Variants in RALA observed in about 807,000 individuals in gnomAD.
The protein encoded by RALA is RAS like proto-oncogene A.
In RALA, 5 loss-of-function variants were observed where a neutral mutation model predicts 24.0. That is an observed-to-expected ratio of 0.21 (90% CI 0.11 to 0.44). The LOEUF is 0.44. Ranked by LOEUF, RALA falls within the 20% of genes least tolerant of loss-of-function variation. RALA has a pLI of 0.99. For missense variants in RALA, 95 were observed against 241.2 expected (o/e 0.39, Z 4.01); for synonymous variants, 77 against 83.8 (o/e 0.92, Z 0.44).
intron 1 of RALA, among the ~76,000 whole-genome samples, chr7:39,648,581 G>A (rs987502972): frequency 2.6e-5 from 4 of 152,186 alleles, no homozygotes; most frequent in Non-Finnish European, 4.4e-5. Context: ...CCTAAAGGAT[G>A]TGAGGGAGTG....
rs1792681843 is a variant in RALA, at chr7:39,685,480, C to G, written c.-37-1151C>G. Among the ~76,000 whole-genome samples, 5 of 152,142 alleles carry G rather than the reference C, an allele frequency of 3.3e-5. No individual in the cohort carries two copies. In the South Asian group the frequency reaches 1.0e-3, roughly 32 times the overall value. On this transcript the variant is annotated intron_variant, in intron 1 of 4. Coordinates refer to ENST00000005257, the MANE Select transcript of RALA (RefSeq NM_005402.4). Reference sequence around the variant, plus strand: ...CAAGGGGTGCAACCCCCTCAACCCCCAATAACAAAAAGTCTCTTTGCTTGG... The same window carrying G: ...CAAGGGGTGCAACCCCCTCAACCCCGAATAACAAAAAGTCTCTTTGCTTGG...
intron 1 of RALA, among the ~76,000 whole-genome samples, chr7:39,669,554 A>C (rs969881266): frequency 6.6e-6 from 1 of 152,074 alleles, no homozygotes; most frequent in African/African-American, 2.4e-5. Flanking sequence ...GCTTATGCCT[A>C]TAATATCAGC....
At chr7:39,639,466 G>C (rs954095276) in intron 1 of RALA, among the ~76,000 whole-genome samples, 1 of 152,156 alleles carries the variant, frequency 6.6e-6, no homozygotes, top group East Asian at 1.9e-4. Flanking sequence ...GAAATAGGAG[G>C]ATCTCTTGAG....
At chr7:39,625,840 C>T (rs1239441229) in intron 1 of RALA, among the ~76,000 whole-genome samples, 1 of 152,230 alleles carries the variant, frequency 6.6e-6, no homozygotes, top group East Asian at 1.9e-4. Flanking sequence ...GTTTTCTCTC[C>T]TCTCCAAGTA....
chr7:39,695,424 T>C (rs2116095148), intron 3 of RALA, among the ~76,000 whole-genome samples: 2 of 152,166 alleles, frequency 1.3e-5, no homozygotes, highest in East Asian at 3.9e-4. Context: ...TTTGGTTTTT[T>C]TTTTTGAGAC....
chr7:39,678,553 G>T (rs980029494), intron 1 of RALA, among the ~76,000 whole-genome samples: 1 of 152,142 alleles, frequency 6.6e-6, no homozygotes, highest in African/African-American at 2.4e-5. Flanking sequence ...ACCCCAAATA[G>T]GTTCTATAGT....
chr7:39,695,790 C>T (rs1184119751), intron 3 of RALA, among the ~76,000 whole-genome samples: 2 of 152,154 alleles, frequency 1.3e-5, no homozygotes, highest in African/African-American at 2.4e-5. Flanking sequence ...GTTCCTATAG[C>T]TTCAACAGCT....
intron 3 of RALA, among the ~76,000 whole-genome samples, chr7:39,691,819 CAT>C (rs1269795551): frequency 3.9e-5 from 6 of 152,198 alleles, no homozygotes; most frequent in African/African-American, 9.6e-5. Flanking sequence ...TTGTGGGAGA[CAT>C]GTTGAAAGTT....
rs548792732 is a variant in RALA, at chr7:39,627,077, C to CTT, written c.-38+3263_-38+3264dup. Among the ~76,000 whole-genome samples the CTT allele has an allele frequency of 2.2e-3, 325 of 145,948 alleles. 1 individual carries two copies. The highest frequency in any genetic ancestry group is 7.6e-3 in the African/African-American group (304 of 39,986). ...AATGTGTCCATCTCTCTCTCTCTCTCTTTTTTTTTTTTAAAAGATGTACCC... is the reference window on the plus strand; with the variant it reads ...AATGTGTCCATCTCTCTCTCTCTCTCTTTTTTTTTTTTTTAAAAGATGTACCC... On this transcript the variant is annotated intron_variant, in intron 1 of 4. Transcript: ENST00000005257.
intron 1 of RALA, among the ~76,000 whole-genome samples, chr7:39,633,295 A>G (rs1264903202): frequency 6.6e-6 from 1 of 152,194 alleles, no homozygotes; most frequent in Non-Finnish European, 1.5e-5. Context: ...GGTTTAATTA[A>G]CTCACAGTTC....
At position 39,684,238 on chromosome 7, in the gene RALA, T is replaced by G. The variant is rs188948969; in HGVS notation, c.-37-2393T>G. Among the ~76,000 whole-genome samples the G allele has an allele frequency of 9.2e-3, 1,394 of 152,316 alleles. 18 individuals are homozygous for G. The highest frequency in any genetic ancestry group is 0.015 in the Admixed American group (235 of 15,294). ...TCTTAGCCTGTAAGTGTAAATTTTT[T>G]GCCATACGCTTAACAGTTCAAACTG... On this transcript the variant is annotated intron_variant, in intron 1 of 4. Coordinates refer to ENST00000005257, the MANE Select transcript of RALA (RefSeq NM_005402.4).
intron 1 of RALA, among the ~76,000 whole-genome samples, chr7:39,672,278 A>G (rs146837367): frequency 6.6e-5 from 10 of 152,360 alleles, no homozygotes; most frequent in African/African-American, 2.2e-4. Flanking sequence ...CCAGAGTCAT[A>G]TGGATGGCAA....
intron 1 of RALA, among the ~76,000 whole-genome samples, chr7:39,680,589 A>G (rs1792576659): frequency 6.6e-6 from 1 of 150,868 alleles, no homozygotes; most frequent in African/African-American, 2.4e-5. Context: ...AAAAAAAAAG[A>G]TTAAAAAAGA....
At chr7:39,696,921 T>C (rs1180537288) in intron 4 of RALA, 62 bp downstream of exon 4, 3 of 1,453,200 alleles carry the variant, frequency 2.1e-6, no homozygotes, top group East Asian at 2.3e-5. Context: ...TTAACTTGGC[T>C]CCATTTTGTC....
intron 1 of RALA, among the ~76,000 whole-genome samples, chr7:39,648,641 C>G (rs1322465247): frequency 6.6e-6 from 1 of 152,150 alleles, no homozygotes; most frequent in African/African-American, 2.4e-5. Flanking sequence ...AATTTAGGAT[C>G]TCTTAGACCT....
intron 2 of RALA, among the ~76,000 whole-genome samples, chr7:39,688,396 T>TAAAAA (rs60727230): frequency 6.8e-6 from 1 of 147,926 alleles, no homozygotes; most frequent in Non-Finnish European, 1.5e-5. Context: ...CCCTGTCTCT[T>TAAAAA]AAAAAAAAAA....
chr7:39,642,110 GACAACCGCTGTA>G (rs958472786), intron 1 of RALA, among the ~76,000 whole-genome samples: 1 of 152,138 alleles, frequency 6.6e-6, no homozygotes, highest in African/African-American at 2.4e-5. Flanking sequence ...CCTCAGTTGG[GACAACCGCTGTA>G]ACAAAAGGCA....
At chr7:39,627,008 T>C (rs535362162) in intron 1 of RALA, among the ~76,000 whole-genome samples, 28 of 148,726 alleles carry the variant, frequency 1.9e-4, no homozygotes, top group African/African-American at 6.3e-4. Context: ...CTCCTAAGCC[T>C]GTGCACTTTT....
At position 39,706,737 on chromosome 7, in the gene RALA, C is replaced by G. The variant is rs890972497; in HGVS notation, c.*492C>G. Reference sequence around the variant, plus strand: ...AGAAAAGTTATTGGCATGGTTGTTGCATATAGTTAAACTGAGAGTAATTCA... The same window carrying G: ...AGAAAAGTTATTGGCATGGTTGTTGGATATAGTTAAACTGAGAGTAATTCA... On this transcript the variant is annotated 3_prime_UTR_variant, in exon 5 of 5. Coordinates refer to ENST00000005257, the MANE Select transcript of RALA (RefSeq NM_005402.4). 1 of 152,540 alleles carries G rather than the reference C, an allele frequency of 6.6e-6. No individual in the cohort carries two copies. The highest frequency in any genetic ancestry group is 1.5e-5 in the Non-Finnish European group (1 of 68,242). The allele number at this position is 152,540 out of a possible 1,614,324, so 9.4% of individuals were successfully genotyped here.
Sources: allele counts gnomAD v4.1 joint callset (sites outside exome capture counted in the v4.1 genomes callset), GRCh38; gene constraint gnomAD v4.1.1; transcripts MANE v1.5; gene names NCBI Gene and HGNC (gene_info 2026-07-23, HGNC 2026-07-21).